Variants in SEMA3E observed in about 807,000 individuals in gnomAD.
SEMA3E encodes semaphorin-3E.
SEMA3E carries 49 observed loss-of-function variants against 93.6 expected under a neutral mutation model. The ratio of observed to expected loss-of-function variants is 0.52; its 90% confidence interval spans 0.42 to 0.66. The LOEUF (loss-of-function observed/expected upper bound fraction) is 0.66, where lower values mean the gene tolerates loss of function less well. Ranked by LOEUF, SEMA3E falls within the 30% of genes least tolerant of loss-of-function variation. The pLI is 0.00. For synonymous variants in SEMA3E, 363 were observed against 330.7 expected, an observed-to-expected ratio of 1.10 and a Z score of -1.06; for missense variants, 906 against 964.8, an observed-to-expected ratio of 0.94 and a Z score of 0.81.
At chr7:83,373,369 C>T (rs1794775871) in intron 16 of SEMA3E, among the ~76,000 whole-genome samples, 1 of 151,974 alleles carries the variant, frequency 6.6e-6, no homozygotes, top group African/African-American at 2.4e-5. Context: ...ATTTATCTGG[C>T]CTGCCTTTGA....
At chr7:83,554,602 A>G (rs1225159692) in intron 1 of SEMA3E, among the ~76,000 whole-genome samples, 1 of 152,172 alleles carries the variant, frequency 6.6e-6, no homozygotes, top group Non-Finnish European at 1.5e-5. Context: ...TGTAATATCA[A>G]AAGAAGAAAA....
rs11429680 is a variant in SEMA3E, at chr7:83,482,564, C to CAAAAAAAAAAAAA, written c.276+7537_276+7549dup. Reference sequence around the variant, plus strand: ...TGCGCGACAGAGCCACACTCCGTCTCAAAAAAAAAAAAAAAAAAAAAAAAT... The same window carrying CAAAAAAAAAAAAA: ...TGCGCGACAGAGCCACACTCCGTCTCAAAAAAAAAAAAAAAAAAAAAAAAAAAAAAAAAAAAAT... On this transcript the variant is annotated intron_variant, in intron 2 of 16. Transcript: ENST00000643230. Among the ~76,000 whole-genome samples, 257 of 80,212 alleles carry CAAAAAAAAAAAAA rather than the reference C, an allele frequency of 3.2e-3. 5 individuals are homozygous for CAAAAAAAAAAAAA. The highest frequency in any genetic ancestry group is 0.015 in the African/African-American group (252 of 17,364). The allele number at this position is 80,212 out of a possible 152,430, so 52.6% of individuals were successfully genotyped here. A position where few individuals can be genotyped will look rare whatever the true frequency, so the allele number is the denominator to read the frequency against.
At chr7:83,412,277 C>T (rs755909768) in intron 5 of SEMA3E, among the ~76,000 whole-genome samples, 1 of 152,026 alleles carries the variant, frequency 6.6e-6, no homozygotes, top group Non-Finnish European at 1.5e-5. Flanking sequence ...ACTGCTCATC[C>T]AACTATATTT....
In SEMA3E at chr7:83,396,041, A is replaced by G. The variant is rs918307913; in HGVS notation, c.1458+597T>C. Among the ~76,000 whole-genome samples the G allele has an allele frequency of 5.4e-5, 8 of 149,122 alleles. No individual in the cohort carries two copies. The East Asian group carries it at 1.2e-3, about 23-fold the overall frequency. ...AAACTGCTGCAAATGATACGACTTG[A>G]TGTGTGTGTGTGTGTGTGTGTGTGT... On this transcript the variant is annotated intron_variant, in intron 12 of 16. Coordinates refer to ENST00000643230, the MANE Select transcript of SEMA3E (RefSeq NM_012431.3).
chr7:83,375,674 G>A (rs990596008), intron 16 of SEMA3E, among the ~76,000 whole-genome samples: 4 of 151,972 alleles, frequency 2.6e-5, no homozygotes, highest in African/African-American at 7.2e-5. Flanking sequence ...CATGTTATCC[G>A]GTTTAATCAG....
At chr7:83,579,053 G>A (rs2115897916) in intron 1 of SEMA3E, among the ~76,000 whole-genome samples, 2 of 152,174 alleles carry the variant, frequency 1.3e-5, no homozygotes, top group South Asian at 4.1e-4. Flanking sequence ...GCTTTATTAA[G>A]ATGTATAGAT....
chr7:83,421,915 C>T (rs139003508), intron 4 of SEMA3E, among the ~76,000 whole-genome samples: 57 of 152,276 alleles, frequency 3.7e-4, no homozygotes, highest in Admixed American at 1.4e-3. Context: ...CGGTGGCTCA[C>T]GCCTGTAATC....
chr7:83,579,924 T>C lies in SEMA3E; in HGVS notation c.115+68504A>G, dbSNP rs546379479. Among the ~76,000 whole-genome samples, 5 of 152,206 alleles carry C rather than the reference T, an allele frequency of 3.3e-5. No homozygotes were observed. In the East Asian group the frequency reaches 9.7e-4, roughly 29 times the overall value. On this transcript the variant is annotated intron_variant, in intron 1 of 16. Coordinates refer to ENST00000643230, the MANE Select transcript of SEMA3E (RefSeq NM_012431.3). ...TTGTTTTTGGAAAATTAGCAATGAA[T>C]GAACTTCCTGAGAGAATGAGTCATT...
chr7:83,557,758 C>T (rs150760000), intron 1 of SEMA3E, among the ~76,000 whole-genome samples: 7 of 152,200 alleles, frequency 4.6e-5, no homozygotes, highest in African/African-American at 7.2e-5. Context: ...GCTTATGTCT[C>T]GACTTCAGCC....
chr7:83,417,084 ATATT>A (rs767602790), intron 5 of SEMA3E, among the ~76,000 whole-genome samples: 1 of 138,290 alleles, frequency 7.2e-6, no homozygotes, highest in Non-Finnish European at 1.6e-5. Context: ...TTTCTCTTTA[ATATT>A]TATTTTTCTC....
At chr7:83,519,993 A>T (rs886239822) in intron 1 of SEMA3E, among the ~76,000 whole-genome samples, 1 of 152,150 alleles carries the variant, frequency 6.6e-6, no homozygotes, top group Non-Finnish European at 1.5e-5. Context: ...GTCACATCAT[A>T]GATGCCCTAT....
At chr7:83,622,057 A>C (rs42012) in intron 1 of SEMA3E, among the ~76,000 whole-genome samples, 93,891 of 151,926 alleles carry the variant, frequency 0.62, 29,533 homozygotes, top group African/African-American at 0.73. Context: ...AACAGACAAC[A>C]TACAGAATGG....
Position 83,367,990 on chromosome 7 carries a change from G to A in SEMA3E, c.1924C>T (p.Leu642=), listed in dbSNP as rs905060661. ...VVKMDLGLLF[L]RLHKSDAGTY... ...CCAGCATCTGATTTGTGTAACCTTA[G>A]GAAGAGTAAACCAAGGTCCATCTTA... The change falls in exon 17 of 17, where the codon CTA becomes TTA. Residue 642 remains leucine (L), a synonymous_variant. Transcript: ENST00000643230. 21 of 1,613,862 alleles carry A rather than the reference G, an allele frequency of 1.3e-5. No homozygotes were observed. Among genetic ancestry groups the A allele is most frequent in the East Asian group, 2.2e-5 (1 of 44,884 alleles).
intron 2 of SEMA3E, among the ~76,000 whole-genome samples, chr7:83,484,305 C>T (rs1275933379): frequency 6.6e-6 from 1 of 152,194 alleles, no homozygotes; most frequent in African/African-American, 2.4e-5. Flanking sequence ...CTTTAAACTT[C>T]ATATGGTCAC....
At chr7:83,381,451 A>T (rs1465327215) in intron 16 of SEMA3E, among the ~76,000 whole-genome samples, 2 of 151,858 alleles carry the variant, frequency 1.3e-5, no homozygotes, top group African/African-American at 4.8e-5. Context: ...TTTTTTTTCC[A>T]AATGTCACTT....
intron 14 of SEMA3E, among the ~76,000 whole-genome samples, chr7:83,392,048 T>C (rs1362533037): frequency 1.3e-5 from 2 of 152,172 alleles, no homozygotes; most frequent in Non-Finnish European, 2.9e-5. Flanking sequence ...TTACCTTCTG[T>C]AGGAAATGGC....
rs1787896287 is a variant in SEMA3E, at chr7:83,387,061, G to A, written c.1668-11C>T. 1 of 1,611,724 alleles carries A rather than the reference G, an allele frequency of 6.2e-7. No homozygotes were observed. Among genetic ancestry groups the A allele is most frequent in the Non-Finnish European group, 8.5e-7 (1 of 1,178,832 alleles). ...TGTCTCCGGAAACGCCTGAAAGAAA[G>A]TAAATGCATTTAGATGTTCATTTTT... On this transcript the variant is annotated splice_polypyrimidine_tract_variant and intron_variant, in intron 14 of 16. Coordinates refer to ENST00000643230, the MANE Select transcript of SEMA3E (RefSeq NM_012431.3).
chr7:83,590,428 G>A (rs548905385), intron 1 of SEMA3E, among the ~76,000 whole-genome samples: 11 of 152,106 alleles, frequency 7.2e-5, no homozygotes, highest in Non-Finnish European at 1.5e-4. Flanking sequence ...CTAAAGCAAG[G>A]CATTGCCCTG....
At chr7:83,445,024 G>A (rs1441871814) in intron 4 of SEMA3E, among the ~76,000 whole-genome samples, 1 of 152,096 alleles carries the variant, frequency 6.6e-6, no homozygotes, top group Non-Finnish European at 1.5e-5. Flanking sequence ...AAGGAAGAAA[G>A]CTTCTATTTG....
Sources: allele counts gnomAD v4.1 joint callset (sites outside exome capture counted in the v4.1 genomes callset), GRCh38; gene constraint gnomAD v4.1.1; transcripts MANE v1.5; gene names NCBI Gene and HGNC (gene_info 2026-07-23, HGNC 2026-07-21).